The following URI1 variants were observed in gnomAD, a reference collection of about 807,000 sequenced individuals.
URI1 encodes the protein URI1 prefoldin like chaperone.
Under a neutral mutation model 60.2 loss-of-function variants are expected in URI1, and 39 were observed. The observed-to-expected ratio is 0.65, with a 90% CI of 0.50 to 0.85. The LOEUF (loss-of-function observed/expected upper bound fraction) is 0.85. Ranked by LOEUF, URI1 falls within the 40% of genes least tolerant of loss-of-function variation. The probability of loss-of-function intolerance (pLI) is 0.00; values close to 1 mark genes in which losing one functional copy is unlikely to be tolerated. For synonymous variants in URI1, 251 were observed against 236.8 expected (o/e 1.06, Z -0.55); for missense variants, 691 against 665.9 (o/e 1.04, Z -0.42).
intron 1 of URI1, among the ~76,000 whole-genome samples, chr19:29,934,229 C>T (rs935755633): frequency 6.6e-6 from 1 of 152,148 alleles, no homozygotes; most frequent in Non-Finnish European, 1.5e-5. Context: ...AGCCACCATG[C>T]CTGGCCTTAT....
At chr19:29,928,125 TG>T (rs2054886033) in intron 1 of URI1, among the ~76,000 whole-genome samples, 1 of 151,978 alleles carries the variant, frequency 6.6e-6, no homozygotes, top group Non-Finnish European at 1.5e-5. Flanking sequence ...TCCAGATATG[TG>T]CAAGCAGAAG....
chr19:29,988,773 A>G (rs1208705445), intron 4 of URI1, among the ~76,000 whole-genome samples: 1 of 152,168 alleles, frequency 6.6e-6, no homozygotes, highest in Non-Finnish European at 1.5e-5. Flanking sequence ...GTGCGAACAT[A>G]CATTTTTATT....
chr19:29,977,093 G>A (rs1299128001), intron 2 of URI1, among the ~76,000 whole-genome samples: 1 of 151,068 alleles, frequency 6.6e-6, no homozygotes, highest in Non-Finnish European at 1.5e-5. Flanking sequence ...AAGCATACCT[G>A]TATAGCTAAA....
chr19:29,944,026 G>A (rs955514043), intron 1 of URI1, among the ~76,000 whole-genome samples: 1 of 149,112 alleles, frequency 6.7e-6, no homozygotes, highest in South Asian at 2.1e-4. Context: ...GTAGTCCCAC[G>A]TACTTGGGAG....
chr19:29,994,516 A>G (rs796747497), intron 4 of URI1, among the ~76,000 whole-genome samples: 30 of 152,058 alleles, frequency 2.0e-4, no homozygotes, highest in African/African-American at 7.2e-4. Context: ...GTGGAATCCT[A>G]CAGCATTTGT....
intron 2 of URI1, among the ~76,000 whole-genome samples, chr19:29,971,817 A>G (rs959649874): frequency 5.9e-5 from 9 of 151,888 alleles, no homozygotes; most frequent in Admixed American, 1.3e-4. Flanking sequence ...TGGTGAATAA[A>G]ATCTTATATT....
Position 30,012,456 on chromosome 19 carries a change from C to T in URI1, c.1350C>T (p.Asp450=). 1 of 1,614,126 alleles carries T rather than the reference C, an allele frequency of 6.2e-7. No homozygotes were observed. ...GCTGCGAAGAAGCCACTTGCAGTGACACCAGTGAGAGCATTTTGGAAGAGG... is the reference window on the plus strand; with the variant it reads ...GCTGCGAAGAAGCCACTTGCAGTGATACCAGTGAGAGCATTTTGGAAGAGG... ...SISCEEATCS[D]TSESILEEEP... is the part of the protein sequence containing the mutation. The change falls in exon 10 of 11, where the codon GAC becomes GAT. Residue 450 remains aspartate (D), a synonymous_variant. Coordinates refer to ENST00000392271, the MANE Select transcript of URI1 (RefSeq NM_003796.3).
intron 1 of URI1, among the ~76,000 whole-genome samples, chr19:29,968,442 A>G (rs1027584140): frequency 6.6e-6 from 1 of 152,110 alleles, no homozygotes; most frequent in Non-Finnish European, 1.5e-5. Flanking sequence ...TACTTAAAGT[A>G]ATTAATCTGA....
At chr19:29,935,687 C>T (rs2112392) in intron 1 of URI1, among the ~76,000 whole-genome samples, 118,831 of 144,198 alleles carry the variant, frequency 0.82, 49,235 homozygotes, top group Non-Finnish European at 0.91. Context: ...GTAGGAAATT[C>T]TTGGTTGACA....
rs1346697330 is a variant in URI1, at chr19:30,015,379, TTCAAAC to T, written c.*312_*317del. On this transcript the variant is annotated 3_prime_UTR_variant, in exon 11 of 11. Coordinates refer to ENST00000392271, the MANE Select transcript of URI1 (RefSeq NM_003796.3). ...CTGTTCATATGCATTGTTTTTGTGTTTCAAACTAAATACAGGCAGTTTTGTGCCAGC... is the reference window on the plus strand; with the variant it reads ...CTGTTCATATGCATTGTTTTTGTGTTTAAATACAGGCAGTTTTGTGCCAGC... 2.1e-6 allele frequency: 3 copies of T among 1,432,670 alleles called. No homozygotes were observed. The highest frequency in any genetic ancestry group is 2.7e-6 in the Non-Finnish European group (3 of 1,101,492). 88.7% of individuals were successfully genotyped at this position (1,432,670 alleles called of 1,614,324 possible). A position where few individuals can be genotyped will look rare whatever the true frequency, so the allele number is the denominator to read the frequency against.
intron 1 of URI1, among the ~76,000 whole-genome samples, chr19:29,964,628 T>G (rs935833561): frequency 1.3e-5 from 2 of 151,768 alleles, no homozygotes; most frequent in Admixed American, 1.3e-4. Context: ...GCCTGGCCAA[T>G]TTTTTGTATT....
At chr19:30,008,521 T>C (rs896586953) in intron 7 of URI1, among the ~76,000 whole-genome samples, 3 of 152,110 alleles carry the variant, frequency 2.0e-5, no homozygotes, top group Non-Finnish European at 4.4e-5. Flanking sequence ...GAATCAAGTA[T>C]GATAAATGTT....
intron 1 of URI1, among the ~76,000 whole-genome samples, chr19:29,935,092 C>G (rs1327063636): frequency 6.6e-6 from 1 of 152,174 alleles, no homozygotes; most frequent in East Asian, 1.9e-4. Context: ...TTTTGTTCCT[C>G]AATTCCTCCA....
At chr19:29,969,251 A>G (rs115945650) in intron 1 of URI1, among the ~76,000 whole-genome samples, 329 of 152,310 alleles carry the variant, frequency 2.2e-3, no homozygotes, top group African/African-American at 7.3e-3. Flanking sequence ...TTGTTCGTCT[A>G]TCTTCCTAGG....
intron 1 of URI1, among the ~76,000 whole-genome samples, chr19:29,934,361 G>A (rs752761851): frequency 3.3e-5 from 5 of 152,206 alleles, no homozygotes; most frequent in Non-Finnish European, 5.9e-5. Context: ...CACGAAGTGA[G>A]TAGCTTAAAC....
At chr19:29,943,927 G>C (rs2055064300) in intron 1 of URI1, among the ~76,000 whole-genome samples, 1 of 151,290 alleles carries the variant, frequency 6.6e-6, no homozygotes, top group African/African-American at 2.4e-5. Context: ...TGAAGCCAAG[G>C]AGTTCGAGAT....
At chr19:29,934,097 G>A (rs144581515) in intron 1 of URI1, among the ~76,000 whole-genome samples, 2,981 of 151,478 alleles carry the variant, frequency 0.02, 118 homozygotes, top group African/African-American at 0.068. Context: ...CACCACGCCC[G>A]GCTAATTTTT....
Position 30,005,725 on chromosome 19 carries a change from T to G in URI1, c.517+17T>G, listed in dbSNP as rs1026801150. 1.2e-6 allele frequency: 2 copies of G among 1,605,488 alleles called. No individual in the cohort carries two copies. Among genetic ancestry groups the G allele is most frequent in the Non-Finnish European group, 8.5e-7 (1 of 1,175,594 alleles). On this transcript the variant is annotated intron_variant, in intron 6 of 10. Coordinates refer to ENST00000392271, the MANE Select transcript of URI1 (RefSeq NM_003796.3). ...AATTTAAAGGTAAGCAGTAAGATTG[T>G]TTTATGTGTAGCTGTTTAGATATTT...
intron 1 of URI1, among the ~76,000 whole-genome samples, chr19:29,950,507 G>GT (rs2055166708): frequency 6.6e-6 from 1 of 152,112 alleles, no homozygotes. Flanking sequence ...GATGACCACT[G>GT]TTTAGAGTAA....
Sources: allele counts gnomAD v4.1 joint callset (sites outside exome capture counted in the v4.1 genomes callset), GRCh38; gene constraint gnomAD v4.1.1; transcripts MANE v1.5; gene names NCBI Gene and HGNC (gene_info 2026-07-23, HGNC 2026-07-21).